MYO1D: variants seen among roughly 807,000 people sequenced by gnomAD.
MYO1D encodes the protein unconventional myosin-Id.
MYO1D carries 83 observed loss-of-function variants against 122.0 expected under a neutral mutation model. The observed-to-expected ratio is 0.68, with a 90% confidence interval of 0.57 to 0.82. The LOEUF (loss-of-function observed/expected upper bound fraction) is 0.82. Among genes scored for constraint, MYO1D ranks in the 40% least tolerant of loss-of-function variants. The pLI, the probability that MYO1D is intolerant of heterozygous loss-of-function variation, is 0.00. For synonymous variants in MYO1D, 464 were observed against 446.9 expected (o/e 1.04, Z -0.48); for missense variants, 1,157 against 1,269.5 (o/e 0.91, Z 1.35).
intron 1 of MYO1D, among the ~76,000 whole-genome samples, chr17:32,817,139 G>A (rs781373532): frequency 9.2e-5 from 14 of 152,162 alleles, no homozygotes; most frequent in Admixed American, 6.5e-4. Context: ...ATGTTGCCCA[G>A]GTTGGTCTTG....
intron 1 of MYO1D, among the ~76,000 whole-genome samples, chr17:32,842,317 G>C (rs186690222): frequency 1.8e-4 from 28 of 152,226 alleles, no homozygotes; most frequent in African/African-American, 6.3e-4. Context: ...AGAACACAGG[G>C]GATGTGAAGC....
chr17:32,608,708 C>T (rs1318713976), intron 20 of MYO1D, among the ~76,000 whole-genome samples: 2 of 152,192 alleles, frequency 1.3e-5, no homozygotes, highest in African/African-American at 2.4e-5. Flanking sequence ...TGAATGTTTA[C>T]AGCAGCTCTA....
chr17:32,751,705 AAT>A (rs2089901283), intron 11 of MYO1D, among the ~76,000 whole-genome samples: 1 of 152,176 alleles, frequency 6.6e-6, no homozygotes, highest in South Asian at 2.1e-4. Context: ...AAACCCTAGG[AAT>A]ATATTTAAAC....
chr17:32,842,675 T>C (rs1390278769), intron 1 of MYO1D, among the ~76,000 whole-genome samples: 1 of 152,068 alleles, frequency 6.6e-6, no homozygotes, highest in Non-Finnish European at 1.5e-5. Context: ...GTGTCTTACA[T>C]ACCTTCTCCT....
At chr17:32,591,081 T>C (rs569233364) in intron 21 of MYO1D, among the ~76,000 whole-genome samples, 1 of 152,334 alleles carries the variant, frequency 6.6e-6, no homozygotes, top group South Asian at 2.1e-4. Context: ...CAGGTAAAGC[T>C]GAGGATGACT....
chr17:32,585,840 T>C (rs1286602629), intron 21 of MYO1D, among the ~76,000 whole-genome samples: 1 of 152,040 alleles, frequency 6.6e-6, no homozygotes, highest in Non-Finnish European at 1.5e-5. Context: ...ACATAACAAT[T>C]ATAGGAAATT....
At chr17:32,693,600 A>G (rs2089133318) in intron 16 of MYO1D, among the ~76,000 whole-genome samples, 1 of 152,144 alleles carries the variant, frequency 6.6e-6, no homozygotes, top group Admixed American at 6.5e-5. Flanking sequence ...GCATAATTAT[A>G]TTTTAAAATT....
At chr17:32,702,530 C>A (rs78418651) in intron 16 of MYO1D, among the ~76,000 whole-genome samples, 6 of 151,934 alleles carry the variant, frequency 3.9e-5, no homozygotes, top group Non-Finnish European at 8.8e-5. Flanking sequence ...TTCTCTTTCA[C>A]GTCTTTCCAC....
At chr17:32,760,752 C>A in intron 8 of MYO1D, 125 bp from the exon 9 acceptor site, 1 of 988,206 alleles carries the variant, frequency 1.0e-6, no homozygotes, top group Non-Finnish European at 1.4e-6. Context: ...CTGGCCTCAG[C>A]AGAACAAATG....
chr17:32,761,747 CA>C (rs1056242702), intron 8 of MYO1D, among the ~76,000 whole-genome samples: 4 of 152,168 alleles, frequency 2.6e-5, no homozygotes, highest in Non-Finnish European at 4.4e-5. Flanking sequence ...ACTGACTCTT[CA>C]ATGGCTCACA....
At chr17:32,790,891 A>C (rs2090343554) in intron 1 of MYO1D, among the ~76,000 whole-genome samples, 1 of 152,196 alleles carries the variant, frequency 6.6e-6, no homozygotes, top group African/African-American at 2.4e-5. Context: ...TTCTTAACTA[A>C]AAGGACTCAG....
intron 21 of MYO1D, among the ~76,000 whole-genome samples, chr17:32,508,551 C>G (rs906372313): frequency 6.6e-6 from 1 of 152,214 alleles, no homozygotes; most frequent in African/African-American, 2.4e-5. Flanking sequence ...ACCAGGATTA[C>G]AGGTGTGAGC....
intron 20 of MYO1D, among the ~76,000 whole-genome samples, chr17:32,632,644 T>C (rs2088035835): frequency 6.8e-6 from 1 of 146,516 alleles, no homozygotes; most frequent in South Asian, 2.2e-4. Context: ...TATATATAAA[T>C]AGGCAAATAG....
chr17:32,669,551 G>T (rs2088681621), intron 16 of MYO1D, among the ~76,000 whole-genome samples: 1 of 152,098 alleles, frequency 6.6e-6, no homozygotes, highest in Non-Finnish European at 1.5e-5. Context: ...CCTTACATCA[G>T]TAAAAATTGT....
At chr17:32,872,559 C>G (rs1481324053) in intron 1 of MYO1D, among the ~76,000 whole-genome samples, 1 of 151,968 alleles carries the variant, frequency 6.6e-6, no homozygotes, top group East Asian at 2.0e-4. Context: ...CAGGCGTGAG[C>G]CACCGCGCCC....
intron 13 of MYO1D, among the ~76,000 whole-genome samples, chr17:32,741,893 T>A (rs2089777023): frequency 6.6e-6 from 1 of 151,594 alleles, no homozygotes. Flanking sequence ...TGGGCGCCTG[T>A]AGTCCCAGCT....
chr17:32,693,846 C>T (rs2150975707), intron 16 of MYO1D, among the ~76,000 whole-genome samples: 1 of 152,236 alleles, frequency 6.6e-6, no homozygotes, highest in South Asian at 2.1e-4. Context: ...GTTTTATTCA[C>T]CAAGTAGGTG....
chr17:32,799,864 ACTAT>A (rs1023055391), intron 1 of MYO1D, among the ~76,000 whole-genome samples: 2 of 152,120 alleles, frequency 1.3e-5, no homozygotes, highest in African/African-American at 4.8e-5. Flanking sequence ...AAACAAATAA[ACTAT>A]CTATTTAAAA....
chr17:32,764,899 G>C lies in MYO1D; in HGVS notation c.1014C>G (p.Tyr338Ter). The change falls in exon 8 of 22, where the codon TAC (tyrosine) becomes TAG (stop). Residue 338 changes from tyrosine to a stop codon, truncating the protein, a stop_gained. Coordinates refer to ENST00000318217, the MANE Select transcript of MYO1D (RefSeq NM_015194.3). LOFTEE classifies it high-confidence loss of function. The part of the protein sequence containing the change: ...DKQHTEQEAS[Y>*]GRDAFAKAIY... The stretch of plus-strand genomic sequence containing the variant: ...TCACCTTGGCAAAGGCGTCTCTGCC[G>C]TAGCTGGCCTCTTGTTCTGTGTGCT... 6.2e-7 allele frequency: 1 copy of C among 1,614,148 alleles called. No individual in the cohort carries two copies. Among genetic ancestry groups the C allele is most frequent in the Non-Finnish European group, 8.5e-7 (1 of 1,180,034 alleles).
Sources: gnomAD v4.1 joint callset for allele counts (sites outside exome capture counted in the v4.1 genomes callset) on GRCh38, gnomAD v4.1.1 for gene constraint, MANE v1.5 for transcripts, NCBI Gene and HGNC (gene_info 2026-07-23, HGNC 2026-07-21) for gene names.